The following STKLD1 variants were observed in gnomAD, a reference collection of about 807,000 sequenced individuals.
The protein encoded by STKLD1 is serine/threonine kinase-like domain-containing protein STKLD1.
STKLD1 carries 79 observed loss-of-function variants against 80.4 expected under a neutral mutation model. That is an observed-to-expected ratio of 0.98 (90% CI 0.82 to 1.19). The LOEUF (loss-of-function observed/expected upper bound fraction) is 1.19, where lower values mean the gene tolerates loss of function less well. Among genes scored for constraint, STKLD1 ranks in the 50% most tolerant of loss-of-function variants. The pLI, the probability that STKLD1 is intolerant of heterozygous loss-of-function variation, is 0.00. For missense variants in STKLD1, 841 were observed against 856.0 expected, an observed-to-expected ratio of 0.98 and a Z score of 0.22; for synonymous variants, 393 against 357.6, an observed-to-expected ratio of 1.10 and a Z score of -1.12.
chr9:133,392,661 G>A (rs1301224732), intron 7 of STKLD1, among the ~76,000 whole-genome samples: 43 of 110,830 alleles, frequency 3.9e-4, no homozygotes, highest in African/African-American at 1.6e-3. Flanking sequence ...GTGAGTGGAT[G>A]GGTGGGTGGG....
At chr9:133,401,387 C>T (rs958987964) in intron 12 of STKLD1, among the ~76,000 whole-genome samples, 3 of 152,176 alleles carry the variant, frequency 2.0e-5, no homozygotes, top group Non-Finnish European at 4.4e-5. Flanking sequence ...CCACCCGCCT[C>T]AGCCTCCCAA....
In STKLD1 at chr9:133,405,501, T is replaced by C; in HGVS notation, c.*80T>C. Reference sequence around the variant, plus strand: ...TCCTGCCTGCCTATTATCCCATCTCTATGACTGGGCCAAAATCAATCTTAA... The same window carrying C: ...TCCTGCCTGCCTATTATCCCATCTCCATGACTGGGCCAAAATCAATCTTAA... On this transcript the variant is annotated 3_prime_UTR_variant, in exon 18 of 18. Transcript: ENST00000371957. 7.1e-7 allele frequency: 1 copy of C among 1,416,432 alleles called. No individual in the cohort carries two copies. 87.7% of individuals were successfully genotyped at this position (1,416,432 alleles called of 1,614,324 possible).
chr9:133,387,086 CAG>C (rs2130278804), intron 4 of STKLD1, among the ~76,000 whole-genome samples: 7 of 152,166 alleles, frequency 4.6e-5, no homozygotes, highest in Non-Finnish European at 1.0e-4. Flanking sequence ...GCAGGGTCCT[CAG>C]AGGAAATGGG....
At chr9:133,405,130 G>T in intron 17 of STKLD1, 122 bp from the exon 18 acceptor site, 1 of 1,355,146 alleles carries the variant, frequency 7.4e-7, no homozygotes, top group Non-Finnish European at 1.0e-6. Flanking sequence ...CTCCGGAACT[G>T]CAAGGTGGCT....
intron 11 of STKLD1, among the ~76,000 whole-genome samples, chr9:133,398,833 G>GTT (rs11289674): frequency 0.025 from 3,822 of 151,376 alleles, 130 homozygotes; most frequent in African/African-American, 0.086. Flanking sequence ...GGGAAAAGCA[G>GTT]TTTTTTTTTG....
intron 2 of STKLD1, among the ~76,000 whole-genome samples, chr9:133,380,491 T>C (rs1306461268): frequency 6.6e-6 from 1 of 151,988 alleles, no homozygotes; most frequent in African/African-American, 2.4e-5. Context: ...CCATCTCTAC[T>C]AAAAATACAA....
rs2130249794 is a variant in STKLD1, at chr9:133,376,587, G to A, written c.87+27G>A. On this transcript the variant is annotated intron_variant, in intron 1 of 17. Transcript: ENST00000371957. ...TGCCGAGTGTTCCCTGCGGGGAGGC[G>A]GGAGCTCCGTGGGGTAACGGTCGCA... 4.8e-4 allele frequency: 748 copies of A among 1,552,826 alleles called. 1 individual carries two copies. The highest frequency in any genetic ancestry group is 6.0e-4 in the Non-Finnish European group (696 of 1,151,344).
intron 5 of STKLD1, 193 bp downstream of exon 5, chr9:133,387,741 C>CA (rs2130280630): frequency 2.9e-5 from 20 of 682,008 alleles, no homozygotes; most frequent in South Asian, 2.6e-4. Context: ...GATGCACTCA[C>CA]ACAACTTCCA....
In STKLD1 at chr9:133,387,551, G is replaced by A. The variant is rs1246873439; in HGVS notation, c.396+3G>A. The stretch of plus-strand genomic sequence containing the variant: ...CAAAGAAAATCATTGACTCTGAGGT[G>A]AGGTCCTTTGGGGCACCAGGCCTGG... On this transcript the variant is annotated splice_donor_region_variant and intron_variant, in intron 5 of 17. Coordinates refer to ENST00000371957, the MANE Select transcript of STKLD1 (RefSeq NM_153710.5). 1.1e-5 allele frequency: 18 copies of A among 1,613,076 alleles called. No homozygotes were observed. The highest frequency in any genetic ancestry group is 1.5e-5 in the Non-Finnish European group (18 of 1,179,270).
In STKLD1 at chr9:133,389,659, C is replaced by T. The variant is rs1183022288; in HGVS notation, c.467+63C>T. On this transcript the variant is annotated intron_variant, in intron 6 of 17. Coordinates refer to ENST00000371957, the MANE Select transcript of STKLD1 (RefSeq NM_153710.5). The surrounding 1 kb of genome is among the most constrained non-coding windows in gnomAD (Gnocchi z 6.4). ...GCTTCGGGAGAAAAGGCACTGAGGC[C>T]ACTCGGGTGCCAGTGCCCGTGGGCA... 8 of 1,601,754 alleles carry T rather than the reference C, an allele frequency of 5.0e-6. No homozygotes were observed. The African/African-American group carries it at 5.3e-5, about 11-fold the overall frequency.
chr9:133,404,694 C>T, intron 16 of STKLD1, 95 bp from the exon 17 acceptor site: 2 of 1,512,774 alleles, frequency 1.3e-6, no homozygotes, highest in Non-Finnish European at 8.8e-7. Context: ...TCCCAGGCCC[C>T]TGTGTGAGCT....
intron 13 of STKLD1, among the ~76,000 whole-genome samples, chr9:133,402,436 A>C (rs1042508374): frequency 1.3e-5 from 2 of 152,210 alleles, no homozygotes; most frequent in African/African-American, 2.4e-5. Flanking sequence ...AGACTGGATA[A>C]CTGATGATAC....
intron 5 of STKLD1, chr9:133,387,879 T>C (rs2130281224): frequency 6.1e-6 from 3 of 490,990 alleles, no homozygotes; most frequent in Non-Finnish European, 1.2e-5. Context: ...CACTCCTGTC[T>C]GGTCTCCTTC....
Position 133,379,066 on chromosome 9 carries a change from G to C in STKLD1, c.118G>C (p.Gly40Arg), listed in dbSNP as rs782436894. Reference sequence around the variant, plus strand: ...GTACCAGCTGAATCCTGGGGCCTTGGGGGTGAACCTGGTGGTGGAGGAAAT... The same window carrying C: ...GTACCAGCTGAATCCTGGGGCCTTGCGGGTGAACCTGGTGGTGGAGGAAAT... ...VLYQLNPGAL[G>R]VNLVVEEMET... The change falls in exon 2 of 18, where the codon GGG becomes CGG. Residue 40 changes from glycine to arginine, a missense_variant. Gly to Arg is a moderately radical substitution (Grantham distance 125). Transcript: ENST00000371957. 3 of 1,614,044 alleles carry C rather than the reference G, an allele frequency of 1.9e-6. No individual in the cohort carries two copies. The highest frequency in any genetic ancestry group is 1.7e-6 in the Non-Finnish European group (2 of 1,179,930).
At position 133,385,776 on chromosome 9, in the gene STKLD1, C is replaced by T. The variant is rs2130275534; in HGVS notation, c.294+85C>T. ...AGACTGAGCCCAGAGCACGCCCACC[C>T]CCCACTGTCAGAATAGCTCGTGTGG... On this transcript the variant is annotated intron_variant, in intron 4 of 17. Transcript: ENST00000371957. The surrounding 1 kb of genome is among the most constrained non-coding windows in gnomAD (Gnocchi z 4.9). 7.5e-5 allele frequency: 95 copies of T among 1,274,262 alleles called. No homozygotes were observed. Among genetic ancestry groups the T allele is most frequent in the Admixed American group, 1.8e-4 (10 of 56,444 alleles). 78.9% of individuals were successfully genotyped at this position (1,274,262 alleles called of 1,614,324 possible). A position where few individuals can be genotyped will look rare whatever the true frequency, so the allele number is the denominator to read the frequency against.
intron 11 of STKLD1, among the ~76,000 whole-genome samples, chr9:133,398,730 G>T (rs1337192036): frequency 6.6e-6 from 1 of 152,218 alleles, no homozygotes; most frequent in Non-Finnish European, 1.5e-5. Flanking sequence ...AGTGAGCTAC[G>T]CTTGCACCAC....
chr9:133,397,709 T>C (rs1838597774), intron 10 of STKLD1, among the ~76,000 whole-genome samples: 1 of 152,172 alleles, frequency 6.6e-6, no homozygotes, highest in African/African-American at 2.4e-5. Context: ...TGCGTGCTTC[T>C]ATGTGCCCAG....
Position 133,394,366 on chromosome 9 carries a change from T to A in STKLD1, c.659T>A (p.Leu220Gln), listed in dbSNP as rs45567636. 6.2e-7 allele frequency: 1 copy of A among 1,613,894 alleles called. No individual in the cohort carries two copies. Among genetic ancestry groups the A allele is most frequent in the Non-Finnish European group, 8.5e-7 (1 of 1,179,928 alleles). ...AGCCAGAAATCAGACATCTGGTCCC[T>A]GGGCTGCATCATTCTGGACATGACC... ...SFSQKSDIWSLGCIILDMTSC... is the reference protein window; with the variant it reads ...SFSQKSDIWSQGCIILDMTSC... Residue 220 changes from leucine to glutamine, a missense_variant, in exon 8 of 18, where the codon CTG (leucine) becomes CAG (glutamine). Leu to Gln is a moderately radical substitution (Grantham distance 113). Coordinates refer to ENST00000371957, the MANE Select transcript of STKLD1 (RefSeq NM_153710.5). The surrounding 1 kb of genome is among the most constrained non-coding windows in gnomAD (Gnocchi z 4.9).
rs41307432 is a variant in STKLD1, at chr9:133,405,146, C to T, written c.1874-106C>T. On this transcript the variant is annotated intron_variant, in intron 17 of 17. Transcript: ENST00000371957. Reference sequence around the variant, plus strand: ...TCCGGAACTGCAAGGTGGCTCTGTGCATGCCAAGCCCAAGGGGGAATGTGA... The same window carrying T: ...TCCGGAACTGCAAGGTGGCTCTGTGTATGCCAAGCCCAAGGGGGAATGTGA... The T allele has an allele frequency of 4.3e-3, 6,134 of 1,417,488 alleles. 50 individuals carry two copies. The highest frequency in any genetic ancestry group is 0.034 in the African/African-American group (2,405 of 69,770). The allele number at this position is 1,417,488 out of a possible 1,614,324, so 87.8% of individuals were successfully genotyped here. A position where few individuals can be genotyped will look rare whatever the true frequency, so the allele number is the denominator to read the frequency against.
Sources: gnomAD v4.1 joint callset for allele counts (sites outside exome capture counted in the v4.1 genomes callset) on GRCh38, gnomAD v4.1.1 for gene constraint, Gnocchi (gnomAD v3.1) non-coding constraint, MANE v1.5 for transcripts, NCBI Gene and HGNC (gene_info 2026-07-23, HGNC 2026-07-21) for gene names.